Variants in CACNA1E observed in about 807,000 individuals in gnomAD.
CACNA1E encodes voltage-dependent R-type calcium channel subunit alpha-1E.
CACNA1E carries 40 observed loss-of-function variants against 259.2 expected under a neutral mutation model. That is an observed-to-expected ratio of 0.15 (90% CI 0.12 to 0.20). CACNA1E has a LOEUF of 0.20. Ranked by LOEUF, CACNA1E falls within the 10% of genes least tolerant of loss-of-function variation. The pLI is 1.00. For synonymous variants in CACNA1E, 1,104 were observed against 1,138.5 expected (o/e 0.97, Z 0.61); for missense variants, 1,874 against 3,040.1 (o/e 0.62, Z 9.02).
chr1:181,664,131 G>A (rs1252493312), intron 7 of CACNA1E, among the ~76,000 whole-genome samples: 1 of 152,196 alleles, frequency 6.6e-6, no homozygotes, highest in African/African-American at 2.4e-5. Context: ...GGAGATTGCA[G>A]CTCGAAGTGG....
chr1:181,510,520 A>G lies in CACNA1E; in HGVS notation c.310A>G (p.Ile104Val). The change falls in exon 2 of 48, where the codon ATC becomes GTC. Residue 104 changes from isoleucine (I) to valine (V), a missense_variant. Around this residue, in one of 14 missense-constraint regions of CACNA1E, gnomAD observed 55 missense variants for 156.5 expected, o/e 0.35. Coordinates refer to ENST00000367573, the MANE Select transcript of CACNA1E (RefSeq NM_001205293.3). ...CCTGGCCACCATCATTGCCAACTGC[A>G]TCGTCCTGGCCCTGGAGCAGCATCT... ...MILATIIANC[I>V]VLALEQHLPE... The G allele has an allele frequency of 6.2e-7, 1 of 1,614,016 alleles. No homozygotes were observed. The highest frequency in any genetic ancestry group is 8.5e-7 in the Non-Finnish European group (1 of 1,179,874).
chr1:181,508,966 C>A (rs1482334313), intron 1 of CACNA1E, among the ~76,000 whole-genome samples: 2 of 151,980 alleles, frequency 1.3e-5, no homozygotes, highest in Non-Finnish European at 2.9e-5. Flanking sequence ...AGCAGAGGCC[C>A]GTGGAATGGT....
At chr1:181,465,972 A>T (rs116397479) in intron 2 of CACNA1E, among the ~76,000 whole-genome samples, 3 of 145,790 alleles carry the variant, frequency 2.1e-5, no homozygotes, top group Admixed American at 6.9e-5. Context: ...TTCTTGGCCT[A>T]AGTGTTCCTG....
chr1:181,550,672 T>A (rs928882150), intron 3 of CACNA1E, among the ~76,000 whole-genome samples: 1 of 152,082 alleles, frequency 6.6e-6, no homozygotes, highest in Non-Finnish European at 1.5e-5. Flanking sequence ...TGGCATTTGT[T>A]TGAGAAGCCC....
At position 181,776,247 on chromosome 1, in the gene CACNA1E, C is replaced by T. The variant is rs1248524367; in HGVS notation, c.5267+19C>T. 30 of 1,613,634 alleles carry T rather than the reference C, an allele frequency of 1.9e-5. No homozygotes were observed. The East Asian group carries it at 2.2e-4, about 12-fold the overall frequency. Reference sequence around the variant, plus strand: ...CAGCATGGTGCGTAGGCCCCTCGGCCGCCCCAGCGGGGCCCAGAGCAAAGG... The same window carrying T: ...CAGCATGGTGCGTAGGCCCCTCGGCTGCCCCAGCGGGGCCCAGAGCAAAGG... On this transcript the variant is annotated intron_variant, in intron 38 of 47. Transcript: ENST00000367573. The surrounding 1 kb of genome is among the most constrained non-coding windows in gnomAD (Gnocchi z 4.4).
At chr1:181,590,304 A>G (rs551493644) in intron 6 of CACNA1E, among the ~76,000 whole-genome samples, 1 of 149,832 alleles carries the variant, frequency 6.7e-6, no homozygotes, top group South Asian at 2.1e-4. Context: ...GAGAACCTCC[A>G]CTCTTCACTG....
chr1:181,578,038 C>T lies in CACNA1E; in HGVS notation c.616+169C>T, dbSNP rs74747182. ...CAATCTGGTGTAACATTTTACTTTA[C>T]ATTTAACTTTTTGCAAATATAAAAG... On this transcript the variant is annotated intron_variant, in intron 4 of 47. Coordinates refer to ENST00000367573, the MANE Select transcript of CACNA1E (RefSeq NM_001205293.3). Among the ~76,000 whole-genome samples, 214 of 152,260 alleles carry T rather than the reference C, an allele frequency of 1.4e-3. 2 individuals are homozygous for T. The highest frequency in any genetic ancestry group is 2.5e-3 in the Non-Finnish European group (168 of 68,004).
intron 1 of CACNA1E, among the ~76,000 whole-genome samples, chr1:181,375,562 A>G (rs1286590996): frequency 6.6e-6 from 1 of 152,178 alleles, no homozygotes; most frequent in Non-Finnish European, 1.5e-5. Flanking sequence ...ATTCTAAACA[A>G]TTTTCCATCG....
intron 7 of CACNA1E, among the ~76,000 whole-genome samples, chr1:181,669,607 G>A (rs138116228): frequency 6.6e-6 from 1 of 152,282 alleles, no homozygotes; most frequent in Non-Finnish European, 1.5e-5. Flanking sequence ...AGGGCATCAT[G>A]GTGAGTTCAC....
At chr1:181,731,119 G>A (rs1371742045) in intron 18 of CACNA1E, 56 bp from the exon 19 acceptor site, 2 of 1,405,136 alleles carry the variant, frequency 1.4e-6, no homozygotes, top group South Asian at 1.2e-5. Context: ...GTGGCTGTGG[G>A]GCTTGAGGTT....
chr1:181,572,628 C>T (rs768206242), intron 3 of CACNA1E, among the ~76,000 whole-genome samples: 12 of 152,146 alleles, frequency 7.9e-5, no homozygotes, highest in African/African-American at 1.7e-4. Context: ...ATGGAAAACA[C>T]GCTTGTGCTC....
chr1:181,373,747 G>C (rs552587471), intron 1 of CACNA1E, among the ~76,000 whole-genome samples: 1 of 151,830 alleles, frequency 6.6e-6, no homozygotes, highest in Non-Finnish European at 1.5e-5. Flanking sequence ...CCGTGGTCTC[G>C]ATCTCCTGAC....
chr1:181,508,805 C>A (rs1665932657), intron 1 of CACNA1E, among the ~76,000 whole-genome samples: 1 of 152,136 alleles, frequency 6.6e-6, no homozygotes, highest in African/African-American at 2.4e-5. Context: ...AAGAGGAATG[C>A]CCATGGGTGC....
At chr1:181,593,041 G>A (rs1385485225) in intron 6 of CACNA1E, among the ~76,000 whole-genome samples, 1 of 152,168 alleles carries the variant, frequency 6.6e-6, no homozygotes, top group African/African-American at 2.4e-5. Flanking sequence ...ATAAATAAAT[G>A]TGCATCAGTC....
At chr1:181,448,855 AGCTGCCTGGGACTCTGCAGAGAG>A (rs370523759) in intron 2 of CACNA1E, among the ~76,000 whole-genome samples, 43 of 152,292 alleles carry the variant, frequency 2.8e-4, no homozygotes, top group East Asian at 5.8e-4. Flanking sequence ...TGCTCATCTC[AGCTGCCTGGGACTCTGCAGAGAG>A]GCTGCCTGGG....
At chr1:181,677,268 CTTTA>C (rs1359048772) in intron 7 of CACNA1E, among the ~76,000 whole-genome samples, 2 of 152,020 alleles carry the variant, frequency 1.3e-5, no homozygotes, top group Non-Finnish European at 2.9e-5. Flanking sequence ...TATTTTTTGT[CTTTA>C]TTTATCTAAC....
chr1:181,497,272 G>T (rs1433603048), intron 1 of CACNA1E, among the ~76,000 whole-genome samples: 1 of 152,184 alleles, frequency 6.6e-6, no homozygotes, highest in African/African-American at 2.4e-5. Context: ...CAGTAGACAG[G>T]CTCAGGAGAG....
At chr1:181,492,308 G>T (rs999436401) in intron 1 of CACNA1E, among the ~76,000 whole-genome samples, 1 of 152,186 alleles carries the variant, frequency 6.6e-6, no homozygotes, top group Non-Finnish European at 1.5e-5. Context: ...ATTCAACACA[G>T]TTCCAATGGT....
intron 2 of CACNA1E, among the ~76,000 whole-genome samples, chr1:181,456,703 C>T (rs76881496): frequency 0.04 from 6,140 of 152,220 alleles, 271 homozygotes; most frequent in African/African-American, 0.11. Flanking sequence ...CAGCTTCCCA[C>T]GCTGCCAGGA....
Sources: gnomAD v4.1 joint callset for allele counts (sites outside exome capture counted in the v4.1 genomes callset) on GRCh38, gnomAD v4.1.1 for gene constraint, gnomAD v4.1.1 regional missense constraint, Gnocchi (gnomAD v3.1) non-coding constraint, MANE v1.5 for transcripts, NCBI Gene and HGNC (gene_info 2026-07-23, HGNC 2026-07-21) for gene names.